Variants in EML6 observed in about 807,000 individuals in gnomAD.
The protein encoded by EML6 is echinoderm microtubule-associated protein-like 6.
Under a neutral mutation model 240.1 loss-of-function variants are expected in EML6, and 154 were observed. The observed-to-expected ratio is 0.64, with a 90% CI of 0.56 to 0.73. EML6 has a LOEUF of 0.73. Ranked by LOEUF, EML6 falls within the 30% of genes least tolerant of loss-of-function variation. The pLI, the probability that EML6 is intolerant of heterozygous loss-of-function variation, is 0.00. For missense variants in EML6, 2,964 were observed against 2,474.6 expected, an observed-to-expected ratio of 1.20 and a Z score of -4.20; for synonymous variants, 1,148 against 899.0, an observed-to-expected ratio of 1.28 and a Z score of -4.95.
chr2:54,855,139 A>G (rs1399480084), intron 11 of EML6, among the ~76,000 whole-genome samples: 1 of 152,210 alleles, frequency 6.6e-6, no homozygotes, highest in Non-Finnish European at 1.5e-5. Flanking sequence ...GTAAAGAAGT[A>G]CCTGAGACTT....
intron 28 of EML6, among the ~76,000 whole-genome samples, chr2:54,930,900 C>T (rs1326436179): frequency 1.3e-5 from 2 of 151,732 alleles, no homozygotes; most frequent in Non-Finnish European, 2.9e-5. Flanking sequence ...CTCCACCAGT[C>T]CTGGTCAGTA....
intron 17 of EML6, among the ~76,000 whole-genome samples, chr2:54,888,951 A>G (rs950205574): frequency 1.3e-5 from 2 of 152,220 alleles, no homozygotes; most frequent in Admixed American, 1.3e-4. Context: ...GTCTTTCAAA[A>G]TAGCTGTATC....
intron 24 of EML6, among the ~76,000 whole-genome samples, chr2:54,907,946 A>AGAT (rs1202900130): frequency 5.9e-3 from 224 of 37,916 alleles, no homozygotes; most frequent in East Asian, 9.1e-3. Flanking sequence ...ATAGATAGAT[A>AGAT]AGATAGATAG....
At chr2:54,866,913 G>A in intron 14 of EML6, 29 bp downstream of exon 14, 1 of 1,333,000 alleles carries the variant, frequency 7.5e-7, no homozygotes, top group Non-Finnish European at 1.1e-6. Context: ...GCGCCCGTAT[G>A]TGTTCCTCTG....
intron 12 of EML6, among the ~76,000 whole-genome samples, chr2:54,862,574 A>G (rs1004666418): frequency 2.6e-5 from 4 of 152,100 alleles, no homozygotes; most frequent in African/African-American, 9.7e-5. Flanking sequence ...TGCCAAAAAG[A>G]GAAGAGAGAG....
intron 2 of EML6, among the ~76,000 whole-genome samples, chr2:54,786,886 G>T (rs2103877516): frequency 6.6e-6 from 1 of 152,288 alleles, no homozygotes; most frequent in African/African-American, 2.4e-5. Context: ...AAGTTTGTAA[G>T]TTTGCAAAAT....
chr2:54,907,097 C>T (rs570791022), intron 24 of EML6, among the ~76,000 whole-genome samples: 1 of 152,186 alleles, frequency 6.6e-6, no homozygotes, highest in African/African-American at 2.4e-5. Flanking sequence ...AATGAAAGCT[C>T]CAGCATGGAA....
intron 28 of EML6, among the ~76,000 whole-genome samples, chr2:54,930,943 C>A (rs1200507903): frequency 6.7e-6 from 1 of 150,088 alleles, no homozygotes; most frequent in Non-Finnish European, 1.5e-5. Flanking sequence ...AGAGATCAGA[C>A]CGTAGGCATC....
At chr2:54,788,432 G>A (rs377431615) in intron 2 of EML6, among the ~76,000 whole-genome samples, 102 of 152,298 alleles carry the variant, frequency 6.7e-4, no homozygotes, top group African/African-American at 2.3e-3. Context: ...CTGTGAGAGG[G>A]GCATCTGGTC....
intron 7 of EML6, among the ~76,000 whole-genome samples, chr2:54,837,599 C>G (rs548485363): frequency 6.6e-6 from 1 of 152,166 alleles, no homozygotes; most frequent in Non-Finnish European, 1.5e-5. Context: ...TTGGGCTTTC[C>G]GATCCAGTGG....
chr2:54,960,403 C>CTGGG, intron 35 of EML6, 69 bp downstream of exon 35: 1 of 1,171,180 alleles, frequency 8.5e-7, no homozygotes, highest in Non-Finnish European at 1.2e-6. Context: ...TCCCAGCCGG[C>CTGGG]ACTTTCTCTG....
chr2:54,909,158 A>G lies in EML6; in HGVS notation c.3410-1796A>G, dbSNP rs540380744. 3.0e-4 allele frequency among the ~76,000 whole-genome samples: 45 copies of G among 152,320 alleles called. 1 individual carries two copies. The South Asian group carries it at 6.8e-3, about 23-fold the overall frequency. ...AGTATCTCATGGCCAAATATCATCT[A>G]AAATTAGCCATATTCAAAGAATGTG... On this transcript the variant is annotated intron_variant, in intron 24 of 41. Coordinates refer to ENST00000356458, the MANE Select transcript of EML6 (RefSeq NM_001039753.4).
intron 2 of EML6, among the ~76,000 whole-genome samples, chr2:54,768,658 G>T (rs1668286956): frequency 6.6e-6 from 1 of 152,144 alleles, no homozygotes; most frequent in Non-Finnish European, 1.5e-5. Context: ...CCCAAGATCT[G>T]TTATCCTCTT....
At chr2:54,783,913 G>A (rs944949146) in intron 2 of EML6, among the ~76,000 whole-genome samples, 7 of 152,022 alleles carry the variant, frequency 4.6e-5, no homozygotes, top group Admixed American at 4.6e-4. Context: ...CTGCACATTA[G>A]TGTATTATTA....
At chr2:54,922,324 G>A (rs1376310188) in intron 26 of EML6, among the ~76,000 whole-genome samples, 1 of 152,090 alleles carries the variant, frequency 6.6e-6, no homozygotes, top group Non-Finnish European at 1.5e-5. Context: ...TCACTTTTTA[G>A]GGAAATGTAA....
chr2:54,803,661 G>A (rs572322424), intron 2 of EML6, among the ~76,000 whole-genome samples: 1 of 152,310 alleles, frequency 6.6e-6, no homozygotes, highest in African/African-American at 2.4e-5. Flanking sequence ...GTATCAAAAC[G>A]GCTTGAAGAC....
chr2:54,750,997 T>C (rs1432072452), intron 2 of EML6, among the ~76,000 whole-genome samples: 1 of 152,156 alleles, frequency 6.6e-6, no homozygotes, highest in African/African-American at 2.4e-5. Context: ...TAAAACAATA[T>C]GTATTTCAAA....
At chr2:54,965,706 G>A (rs1676719009) in intron 38 of EML6, among the ~76,000 whole-genome samples, 1 of 152,204 alleles carries the variant, frequency 6.6e-6, no homozygotes, top group Non-Finnish European at 1.5e-5. Flanking sequence ...ATGAGCCAGT[G>A]TATTGATCTG....
At chr2:54,887,769 A>G (rs1672230917) in intron 17 of EML6, among the ~76,000 whole-genome samples, 1 of 152,034 alleles carries the variant, frequency 6.6e-6, no homozygotes. Context: ...TATATTTTAG[A>G]GTGGTTTTAG....
Sources: gnomAD v4.1 joint callset for allele counts (sites outside exome capture counted in the v4.1 genomes callset) on GRCh38, gnomAD v4.1.1 for gene constraint, MANE v1.5 for transcripts, NCBI Gene and HGNC (gene_info 2026-07-23, HGNC 2026-07-21) for gene names.